The following MAD1L1 variants were observed in gnomAD, a reference collection of about 807,000 sequenced individuals.
The protein encoded by MAD1L1 is mitotic spindle assembly checkpoint protein MAD1.
MAD1L1 carries 95 observed loss-of-function variants against 96.9 expected under a neutral mutation model. The observed-to-expected ratio is 0.98, with a 90% CI of 0.83 to 1.16. The LOEUF (loss-of-function observed/expected upper bound fraction) is 1.16, where lower values mean the gene tolerates loss of function less well. Among genes scored for constraint, MAD1L1 ranks in the 50% most tolerant of loss-of-function variants. MAD1L1 has a pLI of 0.00. For missense variants in MAD1L1, 1,007 were observed against 954.4 expected, an observed-to-expected ratio of 1.06 and a Z score of -0.73; for synonymous variants, 473 against 396.6, an observed-to-expected ratio of 1.19 and a Z score of -2.29.
At chr7:1,847,822 C>A (rs778923773) in intron 18 of MAD1L1, 10 of 403,822 alleles carry the variant, frequency 2.5e-5, no homozygotes, top group South Asian at 1.3e-4. Context: ...CGGCTCCAGG[C>A]CTCCACTTGC....
chr7:1,966,884 G>A (rs777606170), intron 15 of MAD1L1, among the ~76,000 whole-genome samples: 2 of 152,224 alleles, frequency 1.3e-5, no homozygotes, highest in African/African-American at 2.4e-5. Context: ...GAATAAAGAC[G>A]GACCCACCCG....
chr7:2,166,459 G>A (rs915448944), intron 10 of MAD1L1, among the ~76,000 whole-genome samples: 1 of 151,036 alleles, frequency 6.6e-6, no homozygotes, highest in Non-Finnish European at 1.5e-5. Context: ...AACAAGAGGC[G>A]CTGTTTGAAC....
rs1439407305 is a variant in MAD1L1 at position 2,104,387 on chromosome 7, C to T, written c.1074-35049G>A. 2.6e-5 allele frequency among the ~76,000 whole-genome samples: 4 copies of T among 152,360 alleles called. 1 individual carries two copies. The South Asian group carries it at 6.2e-4, about 24-fold the overall frequency. ...GCCGTCACGGCGGCGCAATAGCAGGCCAAGGGGGACGCAGTCTGGCATGTG... is the reference window on the plus strand; with the variant it reads ...GCCGTCACGGCGGCGCAATAGCAGGTCAAGGGGGACGCAGTCTGGCATGTG... On this transcript the variant is annotated intron_variant, in intron 11 of 18. Transcript: ENST00000265854.
chr7:2,192,121 G>C (rs1791753869), intron 10 of MAD1L1, among the ~76,000 whole-genome samples: 1 of 151,804 alleles, frequency 6.6e-6, no homozygotes, highest in South Asian at 2.1e-4. Flanking sequence ...AAATCCATGG[G>C]GTTTTTTGTT....
intron 3 of MAD1L1, 131 bp from the exon 4 acceptor site, chr7:2,225,681 C>T: frequency 1.0e-6 from 1 of 990,594 alleles, no homozygotes; most frequent in Non-Finnish European, 1.5e-6. Context: ...TTGATGTGGC[C>T]CAGCCACTGG....
rs1554262484 is a variant in MAD1L1, at chr7:1,816,241, C to A, written c.1999-13G>T. 15 of 1,609,380 alleles carry A rather than the reference C, an allele frequency of 9.3e-6. No homozygotes were observed. The highest frequency in any genetic ancestry group is 1.8e-4 in the Middle Eastern group (1 of 5,592). ...AGGGGCTGGTGGCCTGCGGGGCAGT[C>A]AAGAAAGAGACAAGACAGCGGTCAG... On this transcript the variant is annotated splice_polypyrimidine_tract_variant and intron_variant, in intron 18 of 18. Coordinates refer to ENST00000265854, the MANE Select transcript of MAD1L1 (RefSeq NM_001013836.2).
chr7:1,886,201 G>C (rs73288728), intron 18 of MAD1L1, among the ~76,000 whole-genome samples: 6,405 of 152,332 alleles, frequency 0.042, 238 homozygotes, highest in African/African-American at 0.095. Flanking sequence ...GCTAGTCACT[G>C]TCTAAGGGGC....
intron 15 of MAD1L1, among the ~76,000 whole-genome samples, chr7:1,974,053 C>T (rs1216839422): frequency 1.3e-5 from 2 of 152,210 alleles, no homozygotes; most frequent in Non-Finnish European, 2.9e-5. Context: ...TCACTCTGCA[C>T]ATCCTGCATA....
chr7:2,143,834 G>C (rs1562726342), intron 11 of MAD1L1, among the ~76,000 whole-genome samples: 1 of 152,300 alleles, frequency 6.6e-6, no homozygotes, highest in East Asian at 1.9e-4. Flanking sequence ...GCACAGAGGG[G>C]AGGCAGGGGA....
chr7:2,122,442 G>C (rs756738364), intron 11 of MAD1L1, among the ~76,000 whole-genome samples: 2 of 152,050 alleles, frequency 1.3e-5, no homozygotes, highest in Non-Finnish European at 2.9e-5. Flanking sequence ...AGCCTAACAC[G>C]GACAAACCCC....
chr7:1,950,112 C>G (rs2128470821), intron 16 of MAD1L1, among the ~76,000 whole-genome samples: 1 of 152,294 alleles, frequency 6.6e-6, no homozygotes, highest in African/African-American at 2.4e-5. Flanking sequence ...GGCTCGTGGG[C>G]CAGGCGTGCA....
At chr7:2,021,462 A>C (rs1782783759) in intron 12 of MAD1L1, among the ~76,000 whole-genome samples, 1 of 152,216 alleles carries the variant, frequency 6.6e-6, no homozygotes, top group Non-Finnish European at 1.5e-5. Flanking sequence ...CTGTAAGAAA[A>C]GCAGAAAGAA....
intron 17 of MAD1L1, among the ~76,000 whole-genome samples, chr7:1,932,860 T>C (rs73050163): frequency 0.034 from 5,148 of 152,370 alleles, 194 homozygotes; most frequent in Admixed American, 0.099. Flanking sequence ...ATGTTCTTAC[T>C]TCTCTTCTCC....
chr7:2,089,942 A>T (rs117272286), intron 11 of MAD1L1, among the ~76,000 whole-genome samples: 1 of 152,336 alleles, frequency 6.6e-6, no homozygotes, highest in East Asian at 1.9e-4. Flanking sequence ...CTGCAGAAGG[A>T]GCTCCGGCCA....
chr7:1,837,936 G>A (rs1400578120), intron 18 of MAD1L1, among the ~76,000 whole-genome samples: 2 of 152,226 alleles, frequency 1.3e-5, no homozygotes, highest in African/African-American at 2.4e-5. Context: ...AGGAGGTGGT[G>A]GCATCGGGGG....
In MAD1L1 at chr7:2,043,636, G is replaced by A. The variant is rs534605916; in HGVS notation, c.1218+25558C>T. On this transcript the variant is annotated intron_variant, in intron 12 of 18. Coordinates refer to ENST00000265854, the MANE Select transcript of MAD1L1 (RefSeq NM_001013836.2). ...GCCCTGCAGAGTGGAGGCACGCGGA[G>A]GGCCTGGGGGGGCTGGGGATCCAGA... Among the ~76,000 whole-genome samples the A allele has an allele frequency of 7.9e-5, 12 of 152,326 alleles. No individual in the cohort carries two copies. The East Asian group carries it at 2.1e-3, about 27-fold the overall frequency.
chr7:2,095,869 T>A (rs1003517756), intron 11 of MAD1L1, among the ~76,000 whole-genome samples: 1 of 152,058 alleles, frequency 6.6e-6, no homozygotes, highest in Non-Finnish European at 1.5e-5. Context: ...CCGGCAGCCC[T>A]AGGGTGGGTG....
chr7:2,223,060 G>A (rs561592275), intron 4 of MAD1L1, among the ~76,000 whole-genome samples: 14 of 152,316 alleles, frequency 9.2e-5, no homozygotes, highest in African/African-American at 3.4e-4. Context: ...GGGAGAGGGG[G>A]CATGGGAAAT....
chr7:2,185,781 A>G (rs556883268), intron 10 of MAD1L1, among the ~76,000 whole-genome samples: 1 of 152,340 alleles, frequency 6.6e-6, no homozygotes, highest in Admixed American at 6.5e-5. Context: ...AAAAATCGAA[A>G]TAACAGGCGA....
Sources: gnomAD v4.1 joint callset for allele counts (sites outside exome capture counted in the v4.1 genomes callset) on GRCh38, gnomAD v4.1.1 for gene constraint, MANE v1.5 for transcripts, NCBI Gene and HGNC (gene_info 2026-07-23, HGNC 2026-07-21) for gene names.